Variants in FRMPD2 observed in about 807,000 individuals in gnomAD.
FRMPD2 encodes FERM and PDZ domain containing 2.
FRMPD2 carries 96 observed loss-of-function variants against 140.1 expected under a neutral mutation model. That is an observed-to-expected ratio of 0.69 (90% confidence interval 0.58 to 0.81). FRMPD2 has a LOEUF of 0.81. FRMPD2 is among the 40% of genes least tolerant of loss of function. The pLI is 0.00. For missense variants in FRMPD2, 1,240 were observed against 1,447.4 expected, an observed-to-expected ratio of 0.86 and a Z score of 2.32; for synonymous variants, 449 against 547.6, an observed-to-expected ratio of 0.82 and a Z score of 2.52.
rs1348845015 is a variant in FRMPD2, at chr10:48,161,137, C to T, written c.3881+2191G>A. ...ACAGTAAAGCTGCCTGCCCACAGTT[C>T]ATCCATGGGTACATGGACCATGTGG... On this transcript the variant is annotated intron_variant, in intron 28 of 28. Coordinates refer to ENST00000374201, the MANE Select transcript of FRMPD2 (RefSeq NM_001018071.4). Among the ~76,000 whole-genome samples, 51 of 151,208 alleles carry T rather than the reference C, an allele frequency of 3.4e-4. 2 individuals carry two copies. The highest frequency in any genetic ancestry group is 1.2e-3 in the African/African-American group (51 of 41,030).
At chr10:48,257,182 CTT>C (rs771272537) in intron 1 of FRMPD2, among the ~76,000 whole-genome samples, 4 of 144,192 alleles carry the variant, frequency 2.8e-5, no homozygotes, top group African/African-American at 5.0e-5. Context: ...ATCTCCCAGT[CTT>C]TTTTTTTTTT....
At chr10:48,167,751 C>T (rs1451909844) in intron 27 of FRMPD2, among the ~76,000 whole-genome samples, 2 of 152,194 alleles carry the variant, frequency 1.3e-5, no homozygotes, top group Non-Finnish European at 2.9e-5. Context: ...ATCTAGATGT[C>T]ACTGTGAAGG....
At chr10:48,265,660 C>T (rs1261460032) in intron 1 of FRMPD2, among the ~76,000 whole-genome samples, 1 of 152,106 alleles carries the variant, frequency 6.6e-6, no homozygotes, top group East Asian at 1.9e-4. Flanking sequence ...ATCAAAACCA[C>T]AATGAGATAC....
At chr10:48,218,461 G>C (rs1361822567) in intron 12 of FRMPD2, among the ~76,000 whole-genome samples, 2 of 152,156 alleles carry the variant, frequency 1.3e-5, no homozygotes, top group Non-Finnish European at 2.9e-5. Flanking sequence ...TTTTGAAGGA[G>C]GAAATGGGAA....
At chr10:48,244,273 C>T (rs367782541) in intron 4 of FRMPD2, among the ~76,000 whole-genome samples, 39 of 152,234 alleles carry the variant, frequency 2.6e-4, no homozygotes, top group African/African-American at 7.5e-4. Flanking sequence ...GCGTGAGCCA[C>T]CATGGCCAGC....
At chr10:48,259,762 C>T (rs1209520552) in intron 1 of FRMPD2, among the ~76,000 whole-genome samples, 1 of 151,868 alleles carries the variant, frequency 6.6e-6, no homozygotes, top group Non-Finnish European at 1.5e-5. Context: ...AGAGCAAGTA[C>T]ATACCCTTTT....
At chr10:48,180,153 C>T (rs562111118) in intron 21 of FRMPD2, among the ~76,000 whole-genome samples, 7 of 152,214 alleles carry the variant, frequency 4.6e-5, no homozygotes, top group African/African-American at 1.7e-4. Flanking sequence ...ACTGCGGGCT[C>T]CTGCTGAGGC....
intron 10 of FRMPD2, among the ~76,000 whole-genome samples, chr10:48,227,556 G>C (rs7898494): frequency 1.3e-5 from 2 of 152,132 alleles, no homozygotes; most frequent in Non-Finnish European, 2.9e-5. Flanking sequence ...GATCTCGAGG[G>C]GGGTACTGCA....
intron 1 of FRMPD2, among the ~76,000 whole-genome samples, chr10:48,259,120 C>T (rs145657940): frequency 1.4e-3 from 219 of 152,322 alleles, no homozygotes; most frequent in African/African-American, 5.0e-3. Context: ...TCTAAGGCTT[C>T]AGGGCCAGTT....
chr10:48,196,909 A>G (rs2131854934), intron 15 of FRMPD2, among the ~76,000 whole-genome samples: 1 of 152,340 alleles, frequency 6.6e-6, no homozygotes, highest in African/African-American at 2.4e-5. Flanking sequence ...AAGTGAGCTC[A>G]TGAAATATTT....
chr10:48,274,021 T>C (rs1279307222), intron 1 of FRMPD2, among the ~76,000 whole-genome samples: 2 of 152,242 alleles, frequency 1.3e-5, no homozygotes, highest in African/African-American at 4.8e-5. Context: ...ACCCTGAGTC[T>C]TCTTACTTTA....
chr10:48,267,556 T>C (rs1354167948), intron 1 of FRMPD2, among the ~76,000 whole-genome samples: 2 of 152,190 alleles, frequency 1.3e-5, no homozygotes, highest in Non-Finnish European at 2.9e-5. Context: ...ATATTAAATA[T>C]TGGCAAATCA....
At chr10:48,244,213 G>A (rs1367239435) in intron 4 of FRMPD2, among the ~76,000 whole-genome samples, 1 of 152,196 alleles carries the variant, frequency 6.6e-6, no homozygotes, top group African/African-American at 2.4e-5. Flanking sequence ...TCGAACTCCT[G>A]AGCTCAAGTG....
Position 48,192,903 on chromosome 10 carries a change from G to A in FRMPD2, c.1955-9C>T. The A allele has an allele frequency of 3.7e-6, 6 of 1,607,508 alleles. No individual in the cohort carries two copies. The highest frequency in any genetic ancestry group is 4.5e-5 in the East Asian group (2 of 44,856). On this transcript the variant is annotated splice_polypyrimidine_tract_variant and intron_variant, in intron 15 of 28. Transcript: ENST00000374201. ...CACAAACTTATCATGGTCTGAATTT[G>A]GGGAGAAAAACATAGACATACACAC...
Position 48,251,579 on chromosome 10 carries a change from T to C in FRMPD2, c.138A>G (p.Glu46=), listed in dbSNP as rs772505013. The C allele has an allele frequency of 1.2e-6, 2 of 1,614,214 alleles. No homozygotes were observed. The highest frequency in any genetic ancestry group is 1.1e-5 in the South Asian group (1 of 91,086). ...ACACTCTCTTACCGTTGCGGAGGTC[T>C]TCCAGGAGCTGCTCAGCGGCCAGGA... ...LLFLAAEQLL[E]DLRNDSSDYV... is the part of the protein sequence containing the mutation. Residue 46 remains glutamate (E), a synonymous_variant, in exon 2 of 29, where the codon GAA becomes GAG. Coordinates refer to ENST00000374201, the MANE Select transcript of FRMPD2 (RefSeq NM_001018071.4).
In FRMPD2 at chr10:48,178,028, C is replaced by G. The variant is rs1158626198; in HGVS notation, c.2895+19G>C. The G allele has an allele frequency of 2.8e-6, 4 of 1,410,336 alleles. No individual in the cohort carries two copies. The South Asian group carries it at 4.7e-5, about 16-fold the overall frequency. The allele number at this position is 1,410,336 out of a possible 1,614,324, so 87.4% of individuals were successfully genotyped here. A position where few individuals can be genotyped will look rare whatever the true frequency, so the allele number is the denominator to read the frequency against. On this transcript the variant is annotated intron_variant, in intron 22 of 28. Coordinates refer to ENST00000374201, the MANE Select transcript of FRMPD2 (RefSeq NM_001018071.4). ...GACATCTTGTTAACTGCTTTTCAAG[C>G]TCTCCTAAAAACTCTTACAGTTACA...
intron 15 of FRMPD2, among the ~76,000 whole-genome samples, chr10:48,196,688 G>C (rs1169949430): frequency 1.3e-5 from 2 of 152,226 alleles, no homozygotes; most frequent in Admixed American, 6.5e-5. Context: ...TCAGTTCTCG[G>C]CTGCATGTAA....
At chr10:48,190,146 T>C (rs764296182) in intron 16 of FRMPD2, among the ~76,000 whole-genome samples, 10 of 152,208 alleles carry the variant, frequency 6.6e-5, no homozygotes, top group Non-Finnish European at 1.3e-4. Context: ...CTCAACTGCA[T>C]CACTGTCATG....
At chr10:48,250,562 G>A (rs1042268003) in intron 2 of FRMPD2, among the ~76,000 whole-genome samples, 6 of 151,890 alleles carry the variant, frequency 4.0e-5, no homozygotes, top group African/African-American at 1.2e-4. Context: ...CACCACGCCC[G>A]GCTAATATTT....
Sources: gnomAD v4.1 joint callset for allele counts (sites outside exome capture counted in the v4.1 genomes callset) on GRCh38, gnomAD v4.1.1 for gene constraint, MANE v1.5 for transcripts, NCBI Gene and HGNC (gene_info 2026-07-23, HGNC 2026-07-21) for gene names.